Variants in CDK10 observed in about 807,000 individuals in gnomAD.
CDK10 encodes cyclin dependent kinase 10, also known as cyclin-dependent kinase 10.
CDK10 carries 55 observed loss-of-function variants against 51.0 expected under a neutral mutation model. The observed-to-expected ratio is 1.08, with a 90% CI of 0.87 to 1.35. The LOEUF is 1.35. CDK10 is among the 40% of genes most tolerant of loss of function. The pLI is 0.00. For synonymous variants in CDK10, 255 were observed against 199.1 expected (o/e 1.28, Z -2.36); for missense variants, 589 against 485.1 (o/e 1.21, Z -2.01).
intron 5 of CDK10, 57 bp downstream of exon 5, chr16:89,691,944 A>T (rs1329146143): frequency 6.9e-7 from 1 of 1,441,384 alleles, no homozygotes; most frequent in Non-Finnish European, 9.7e-7. Flanking sequence ...CTTGTGGTGC[A>T]CATTTATAAC....
intron 1 of CDK10, chr16:89,687,887 C>T (rs896994063): frequency 3.1e-6 from 1 of 323,370 alleles, no homozygotes; most frequent in Non-Finnish European, 6.2e-6. Flanking sequence ...CCAGATGCTT[C>T]TGACTCGGTC....
Position 89,687,469 on chromosome 16 carries a change from G to A in CDK10, c.87+672G>A, listed in dbSNP as rs116438646. 6.8e-4 allele frequency: 308 copies of A among 456,218 alleles called. 1 individual carries two copies. Among genetic ancestry groups the A allele is most frequent in the African/African-American group, 5.4e-3 (273 of 50,216 alleles). The allele number at this position is 456,218 out of a possible 1,614,324, so 28.3% of individuals were successfully genotyped here. On this transcript the variant is annotated intron_variant, in intron 1 of 12. Coordinates refer to ENST00000353379, the MANE Select transcript of CDK10 (RefSeq NM_052988.5). ...AACAGATCGTGGCTGGATGACAACA[G>A]GAGCCACACTTTACTCATCCAGACG...
At chr16:89,691,989 C>T (rs151145263) in intron 5 of CDK10, 102 bp downstream of exon 5, 20 of 866,574 alleles carry the variant, frequency 2.3e-5, no homozygotes, top group Non-Finnish European at 3.6e-5. Context: ...AGAGCTGCTG[C>T]TGCCTCTGCC....
At chr16:89,693,115 G>A (rs562549571) in intron 6 of CDK10, among the ~76,000 whole-genome samples, 159 bp from the exon 7 acceptor site, 2 of 150,968 alleles carry the variant, frequency 1.3e-5, no homozygotes, top group African/African-American at 4.9e-5. Flanking sequence ...TCCAGCCTGG[G>A]CGACAGAGTG....
chr16:89,693,359 G>T (rs935581290), intron 7 of CDK10, 33 bp downstream of exon 7: 1 of 1,614,158 alleles, frequency 6.2e-7, no homozygotes, highest in Non-Finnish European at 8.5e-7. Context: ...CCTGTCCCTA[G>T]ATGGCACTTG....
chr16:89,695,451 C>T lies in CDK10; in HGVS notation c.985+106C>T, dbSNP rs576493365. 51 of 1,477,410 alleles carry T rather than the reference C, an allele frequency of 3.5e-5. No homozygotes were observed. The East Asian group carries it at 1.1e-3, about 32-fold the overall frequency. The allele number at this position is 1,477,410 out of a possible 1,614,324, so 91.5% of individuals were successfully genotyped here. A position where few individuals can be genotyped will look rare whatever the true frequency, so the allele number is the denominator to read the frequency against. The stretch of plus-strand genomic sequence containing the variant: ...GCCTGCTGCCCTCACTGACGGCACA[C>T]CCTTTCTGGGGTAAGAGGACAGGGG... On this transcript the variant is annotated intron_variant, in intron 12 of 12. Transcript: ENST00000353379.
chr16:89,695,830 T>G lies in CDK10; in HGVS notation c.*138T>G. 1 of 1,532,638 alleles carries G rather than the reference T, an allele frequency of 6.5e-7. No homozygotes were observed. The highest frequency in any genetic ancestry group is 1.2e-5 in the South Asian group (1 of 84,036). The allele number at this position is 1,532,638 out of a possible 1,614,324, so 94.9% of individuals were successfully genotyped here. On this transcript the variant is annotated 3_prime_UTR_variant, in exon 13 of 13. Transcript: ENST00000353379. Reference sequence around the variant, plus strand: ...TGGCTGGGAACATCCTCCACTGACTTCCTCCCACTGTCTGCCCTGAACCCA... The same window carrying G: ...TGGCTGGGAACATCCTCCACTGACTGCCTCCCACTGTCTGCCCTGAACCCA...
rs577085699 is a variant in CDK10 at position 89,690,433 on chromosome 16, A to G, written c.161-120A>G. Reference sequence around the variant, plus strand: ...GAGTGGGGACTGAGTGTCACTGGGCATGAGGTTGTCAGAGGAAAGAACGGG... The same window carrying G: ...GAGTGGGGACTGAGTGTCACTGGGCGTGAGGTTGTCAGAGGAAAGAACGGG... On this transcript the variant is annotated intron_variant, in intron 2 of 12. Transcript: ENST00000353379. 2.5e-3 allele frequency: 1,956 copies of G among 788,526 alleles called. 4 individuals are homozygous for G. Among genetic ancestry groups the G allele is most frequent in the Non-Finnish European group, 3.1e-3 (1,385 of 444,394 alleles). The allele number at this position is 788,526 out of a possible 1,614,324, so 48.8% of individuals were successfully genotyped here.
chr16:89,695,475 G>A (rs111245966), intron 12 of CDK10, 120 bp from the exon 13 acceptor site: 15 of 1,448,766 alleles, frequency 1.0e-5, no homozygotes, highest in Admixed American at 5.5e-5. Context: ...AGAGGACAGG[G>A]GCATGTGGAG....
At position 89,692,483 on chromosome 16, in the gene CDK10, TC is replaced by T; in HGVS notation, c.454del (p.Gln152SerfsTer13). 1 of 1,597,138 alleles carries T rather than the reference TC, an allele frequency of 6.3e-7. No homozygotes were observed. The highest frequency in any genetic ancestry group is 8.5e-7 in the Non-Finnish European group (1 of 1,171,630). On this transcript the variant is annotated frameshift_variant, in exon 6 of 13. Coordinates refer to ENST00000353379, the MANE Select transcript of CDK10 (RefSeq NM_052988.5). LOFTEE classifies it high-confidence loss of function. ...KCIVLQVLRG[L>X]QYLHRNFIIH... Reference sequence around the variant, plus strand: ...ATCGTGCTGCAGGTGCTCCGGGGCCTCCAGTATCTGCACAGGAACTTCATTA... The same window carrying T: ...ATCGTGCTGCAGGTGCTCCGGGGCCTCAGTATCTGCACAGGAACTTCATTA...
intron 2 of CDK10, 158 bp from the exon 3 acceptor site, chr16:89,690,395 G>C (rs2060389878): frequency 3.0e-6 from 2 of 665,966 alleles, no homozygotes; most frequent in South Asian, 1.7e-5. Context: ...TCTCGGGCTA[G>C]GGGCGTTGCA....
At chr16:89,692,549 A>G (rs759222542) in intron 6 of CDK10, 33 bp downstream of exon 6, 3 of 1,535,124 alleles carry the variant, frequency 2.0e-6, no homozygotes, top group Non-Finnish European at 2.6e-6. Context: ...TGGAAGCACA[A>G]ATTCGGCTGA....
At chr16:89,687,123 G>A (rs988463547) in intron 1 of CDK10, 1 of 235,176 alleles carries the variant, frequency 4.3e-6, no homozygotes, top group African/African-American at 2.3e-5. Context: ...GGCTTTGCAG[G>A]CTGAGCCGCG....
rs1252527789 is a variant in CDK10, at chr16:89,693,006, C to T, written c.486-268C>T. Among the ~76,000 whole-genome samples the T allele has an allele frequency of 5.9e-5, 9 of 151,456 alleles. No homozygotes were observed. The East Asian group carries it at 9.7e-4, about 16-fold the overall frequency. The stretch of plus-strand genomic sequence containing the variant: ...CAAAAAAATTAGCCGGGCGTGGTGG[C>T]GGGCGCCTGTAGTCCCAGCTACTTG... On this transcript the variant is annotated intron_variant, in intron 6 of 12. Transcript: ENST00000353379.
At chr16:89,688,354 T>C (rs1040773629) in intron 1 of CDK10, among the ~76,000 whole-genome samples, 1 of 152,120 alleles carries the variant, frequency 6.6e-6, no homozygotes, top group Admixed American at 6.6e-5. Context: ...AGTGCTGGGA[T>C]TACAGGCGTG....
Position 89,694,740 on chromosome 16 carries a change from C to A in CDK10, c.744C>A (p.Ile248=). 6.3e-7 allele frequency: 1 copy of A among 1,575,500 alleles called. No individual in the cohort carries two copies. Among genetic ancestry groups the A allele is most frequent in the Non-Finnish European group, 8.6e-7 (1 of 1,161,342 alleles). The change falls in exon 10 of 13, where the codon ATC becomes ATA. Residue 248 remains isoleucine, a synonymous_variant. Coordinates refer to ENST00000353379, the MANE Select transcript of CDK10 (RefSeq NM_052988.5). ...CCGGCACTTCCGAGATCCACCAGATCGACTTGATCGTGCAGCTGCTGGGCA... is the reference window on the plus strand; with the variant it reads ...CCGGCACTTCCGAGATCCACCAGATAGACTTGATCGTGCAGCTGCTGGGCA... The part of the protein sequence containing the change: ...LLPGTSEIHQ[I]DLIVQLLGTP...
Position 89,695,017 on chromosome 16 carries a change from G to C in CDK10, c.879G>C (p.Ser293=). ...TGAAGCACAAGTTCCCATGGCTGTC[G>C]GAGGCCGGGCTGCGCCTGCTGCACT... ...NNLKHKFPWL[S]EAGLRLLHFL... The change falls in exon 11 of 13, where the codon TCG becomes TCC. Residue 293 remains serine (S), a synonymous_variant. Transcript: ENST00000353379. The C allele has an allele frequency of 6.2e-7, 1 of 1,613,252 alleles. No individual in the cohort carries two copies. Among genetic ancestry groups the C allele is most frequent in the Non-Finnish European group, 8.5e-7 (1 of 1,180,016 alleles).
intron 1 of CDK10, 34 bp downstream of exon 1, chr16:89,686,831 C>G (rs1487524152): frequency 6.4e-7 from 1 of 1,567,522 alleles, no homozygotes; most frequent in South Asian, 1.1e-5. Context: ...GCTCTGCCCG[C>G]CTCGCTAGCG....
chr16:89,687,063 G>A, intron 1 of CDK10: 1 of 379,898 alleles, frequency 2.6e-6, no homozygotes, highest in East Asian at 4.2e-5. Flanking sequence ...CTTGGGAAGA[G>A]CAAGCTCCGG....
Sources: gnomAD v4.1 joint callset for allele counts (sites outside exome capture counted in the v4.1 genomes callset) on GRCh38, gnomAD v4.1.1 for gene constraint, MANE v1.5 for transcripts, NCBI Gene and HGNC (gene_info 2026-07-23, HGNC 2026-07-21) for gene names.